The following LRMDA variants were observed in gnomAD, a reference collection of about 807,000 sequenced individuals.
LRMDA encodes leucine-rich melanocyte differentiation-associated protein.
In LRMDA, 18 loss-of-function variants were observed where a neutral mutation model predicts 29.8. That is an observed-to-expected ratio of 0.60 (90% CI 0.42 to 0.90). The LOEUF (loss-of-function observed/expected upper bound fraction) is 0.90, where lower values mean the gene tolerates loss of function less well. Ranked by LOEUF, LRMDA falls within the 40% of genes least tolerant of loss-of-function variation. LRMDA has a pLI of 0.00. For missense variants in LRMDA, 273 were observed against 273.9 expected (o/e 1.00, Z 0.02); for synonymous variants, 125 against 109.4 (o/e 1.14, Z -0.89).
chr10:75,999,184 C>T (rs1847520444), intron 2 of LRMDA, among the ~76,000 whole-genome samples: 2 of 152,142 alleles, frequency 1.3e-5, no homozygotes, highest in South Asian at 4.1e-4. Flanking sequence ...AGTTGAAATG[C>T]CTAATTCTCT....
chr10:75,603,422 G>A (rs2132092947), intron 2 of LRMDA, among the ~76,000 whole-genome samples: 1 of 152,224 alleles, frequency 6.6e-6, no homozygotes, highest in South Asian at 2.1e-4. Flanking sequence ...AGAAGTCTGA[G>A]TGTTTTTTAA....
intron 5 of LRMDA, among the ~76,000 whole-genome samples, chr10:76,099,542 C>G (rs552682929): frequency 1.8e-4 from 27 of 152,190 alleles, no homozygotes; most frequent in African/African-American, 6.5e-4. Context: ...CATTTTAGTG[C>G]TATAAATTTC....
intron 2 of LRMDA, among the ~76,000 whole-genome samples, chr10:75,901,184 G>A (rs1029801563): frequency 1.3e-5 from 2 of 152,200 alleles, no homozygotes; most frequent in Non-Finnish European, 2.9e-5. Context: ...CCAGTGGTCT[G>A]GGAGTAGCCT....
intron 5 of LRMDA, among the ~76,000 whole-genome samples, chr10:76,263,257 G>A (rs969854756): frequency 1.3e-5 from 2 of 150,978 alleles, no homozygotes; most frequent in African/African-American, 4.9e-5. Context: ...ACCACAAAAG[G>A]AACTTCTAAC....
At chr10:76,037,857 T>C (rs545910124) in intron 3 of LRMDA, among the ~76,000 whole-genome samples, 1 of 152,172 alleles carries the variant, frequency 6.6e-6, no homozygotes, top group Non-Finnish European at 1.5e-5. Flanking sequence ...GACCATAGTA[T>C]TATAAATATG....
chr10:75,769,365 G>C (rs1042943971), intron 2 of LRMDA, among the ~76,000 whole-genome samples: 1 of 152,130 alleles, frequency 6.6e-6, no homozygotes, highest in Non-Finnish European at 1.5e-5. Flanking sequence ...AAGACTATGT[G>C]GCCGAGAAAA....
At chr10:75,724,584 G>C (rs997627506) in intron 2 of LRMDA, among the ~76,000 whole-genome samples, 1 of 152,102 alleles carries the variant, frequency 6.6e-6, no homozygotes, top group Non-Finnish European at 1.5e-5. Context: ...AGGATTCAGA[G>C]GCCCCCACAC....
intron 2 of LRMDA, among the ~76,000 whole-genome samples, chr10:75,905,101 A>C (rs534949664): frequency 1.3e-4 from 20 of 152,332 alleles, no homozygotes; most frequent in African/African-American, 4.8e-4. Flanking sequence ...GGTAGCCTTC[A>C]GTTGTAAATT....
intron 2 of LRMDA, among the ~76,000 whole-genome samples, chr10:75,913,411 G>A (rs1471707363): frequency 2.0e-5 from 3 of 151,554 alleles, no homozygotes; most frequent in South Asian, 4.2e-4. Context: ...AGCCAAGATC[G>A]CGCCACTGCA....
intron 2 of LRMDA, among the ~76,000 whole-genome samples, chr10:75,750,841 C>G (rs1200421712): frequency 3.6e-5 from 5 of 138,332 alleles, no homozygotes; most frequent in Non-Finnish European, 7.8e-5. Flanking sequence ...ACTGGGCGGC[C>G]GGGAAGAGGG....
intron 6 of LRMDA, among the ~76,000 whole-genome samples, chr10:76,444,114 G>A (rs978106951): frequency 2.0e-5 from 3 of 152,288 alleles, no homozygotes; most frequent in African/African-American, 4.8e-5. Flanking sequence ...TATTCCCTGG[G>A]TGGGGTGTTT....
At chr10:75,866,632 C>T (rs1209212082) in intron 2 of LRMDA, among the ~76,000 whole-genome samples, 1 of 152,162 alleles carries the variant, frequency 6.6e-6, no homozygotes, top group Non-Finnish European at 1.5e-5. Flanking sequence ...ACCTGGCCAA[C>T]CTGATTAGAG....
At chr10:75,984,280 G>A (rs183128999) in intron 2 of LRMDA, among the ~76,000 whole-genome samples, 1 of 151,534 alleles carries the variant, frequency 6.6e-6, no homozygotes, top group East Asian at 1.9e-4. Context: ...TGTGCCCTGC[G>A]GGGAGGATAT....
intron 6 of LRMDA, among the ~76,000 whole-genome samples, chr10:76,389,069 C>T (rs2132481191): frequency 6.6e-6 from 1 of 152,198 alleles, no homozygotes; most frequent in East Asian, 1.9e-4. Context: ...AGAAGTGATA[C>T]CTAAACTGAG....
At chr10:75,948,817 T>G (rs147717972) in intron 2 of LRMDA, among the ~76,000 whole-genome samples, 175 of 152,192 alleles carry the variant, frequency 1.1e-3, no homozygotes, top group African/African-American at 4.0e-3. Flanking sequence ...TCAGATGATG[T>G]TGGTGTCCGG....
intron 5 of LRMDA, among the ~76,000 whole-genome samples, chr10:76,231,483 A>G (rs1852057931): frequency 1.3e-5 from 2 of 152,192 alleles, no homozygotes; most frequent in South Asian, 4.1e-4. Context: ...GGTGCTGGGT[A>G]TTGTGATTCT....
chr10:75,785,948 G>T (rs1843464741), intron 2 of LRMDA, among the ~76,000 whole-genome samples: 1 of 152,188 alleles, frequency 6.6e-6, no homozygotes, highest in Non-Finnish European at 1.5e-5. Context: ...ACCAACCCTA[G>T]CTTGGGCCCT....
At chr10:76,350,604 G>A (rs1037457505) in intron 6 of LRMDA, among the ~76,000 whole-genome samples, 1 of 152,012 alleles carries the variant, frequency 6.6e-6, no homozygotes, top group African/African-American at 2.4e-5. Flanking sequence ...TGCTGGTGTA[G>A]GGTCATTTGA....
At chr10:76,198,545 G>A (rs1390569668) in intron 5 of LRMDA, among the ~76,000 whole-genome samples, 1 of 152,174 alleles carries the variant, frequency 6.6e-6, no homozygotes, top group Non-Finnish European at 1.5e-5. Flanking sequence ...AAGACTAATG[G>A]CCTGCTTAAT....
Sources: allele counts gnomAD v4.1 joint callset (sites outside exome capture counted in the v4.1 genomes callset), GRCh38; gene constraint gnomAD v4.1.1; transcripts MANE v1.5; gene names NCBI Gene and HGNC (gene_info 2026-07-23, HGNC 2026-07-21).